CNTNAP3: variants seen among roughly 807,000 people sequenced by gnomAD.
The protein encoded by CNTNAP3 is contactin-associated protein-like 3.
A neutral mutation model predicts 92.1 loss-of-function variants in CNTNAP3; 36 were observed. The ratio of observed to expected loss-of-function variants is 0.39; its 90% confidence interval spans 0.30 to 0.52. CNTNAP3 has a LOEUF of 0.52. CNTNAP3 is among the 20% of genes least tolerant of loss of function. The pLI is 0.76. For synonymous variants in CNTNAP3, 232 were observed against 422.3 expected (o/e 0.55, Z 5.53); for missense variants, 534 against 1,069.6 (o/e 0.50, Z 6.98).
intron 15 of CNTNAP3, among the ~76,000 whole-genome samples, chr9:39,104,229 A>G (rs1157873872): frequency 6.6e-6 from 1 of 152,162 alleles, no homozygotes; most frequent in African/African-American, 2.4e-5. Context: ...GGTACGACCA[A>G]CAGAACTTAC....
intron 18 of CNTNAP3, among the ~76,000 whole-genome samples, chr9:39,091,171 C>A (rs1487144622): frequency 7.8e-6 from 1 of 128,508 alleles, no homozygotes; most frequent in Non-Finnish European, 1.7e-5. Context: ...TTTTCTTCTT[C>A]TTTTTTTTTT....
chr9:39,088,006 T>C (rs1001358933), intron 19 of CNTNAP3, among the ~76,000 whole-genome samples: 8 of 152,208 alleles, frequency 5.3e-5, no homozygotes, highest in Non-Finnish European at 8.8e-5. Flanking sequence ...CTGTTGCTTA[T>C]AGGAATTGGC....
At chr9:39,093,531 C>T (rs962760615) in intron 18 of CNTNAP3, among the ~76,000 whole-genome samples, 1 of 151,080 alleles carries the variant, frequency 6.6e-6, no homozygotes, top group Admixed American at 6.6e-5. Flanking sequence ...CTCTCCATTG[C>T]CCCCTCATCT....
chr9:39,077,849 T>G (rs540848200), intron 23 of CNTNAP3, among the ~76,000 whole-genome samples: 194 of 152,258 alleles, frequency 1.3e-3, no homozygotes, highest in African/African-American at 4.5e-3. Flanking sequence ...AAAAATTGTT[T>G]CGGCAGAATT....
In CNTNAP3 at chr9:39,122,080, C is replaced by T. The variant is rs1312703263; in HGVS notation, c.2081-3821G>A. Reference sequence around the variant, plus strand: ...AGAGTACAGGATGCTTCTGGCCGGGCGCGGTGGCTCACGCCTGTAATCCCA... The same window carrying T: ...AGAGTACAGGATGCTTCTGGCCGGGTGCGGTGGCTCACGCCTGTAATCCCA... On this transcript the variant is annotated intron_variant, in intron 13 of 23. Transcript: ENST00000297668. 3.4e-4 allele frequency among the ~76,000 whole-genome samples: 51 copies of T among 151,944 alleles called. No individual in the cohort carries two copies. The East Asian group carries it at 8.5e-3, about 25-fold the overall frequency.
In CNTNAP3 at chr9:39,288,148, C is replaced by T. The variant is rs1823062784; in HGVS notation, c.-84G>A. ...CCTGCTCTCACTCCCGTCCCCTGCG[C>T]GGCTCTGACGCTGCTCTGCCTCCCC... On this transcript the variant is annotated 5_prime_UTR_variant, in exon 1 of 24. Transcript: ENST00000297668. 1 of 493,036 alleles carries T rather than the reference C, an allele frequency of 2.0e-6. No homozygotes were observed. Among genetic ancestry groups the T allele is most frequent in the Admixed American group, 5.1e-5 (1 of 19,452 alleles). The allele number at this position is 493,036 out of a possible 1,614,324, so 30.5% of individuals were successfully genotyped here.
intron 19 of CNTNAP3, 150 bp downstream of exon 19, chr9:39,088,273 C>T (rs1826109601): frequency 2.7e-6 from 2 of 746,206 alleles, no homozygotes; most frequent in South Asian, 1.6e-5. Flanking sequence ...TATACATAAC[C>T]ATTAAGGCAG....
At chr9:39,084,503 A>G (rs896776872) in intron 21 of CNTNAP3, among the ~76,000 whole-genome samples, 2 of 152,040 alleles carry the variant, frequency 1.3e-5, no homozygotes, top group Non-Finnish European at 2.9e-5. Flanking sequence ...CACTCACCAA[A>G]TATTTTTAAA....
chr9:39,127,932 A>G (rs1264156333), intron 13 of CNTNAP3, among the ~76,000 whole-genome samples: 1 of 152,024 alleles, frequency 6.6e-6, no homozygotes, highest in East Asian at 1.9e-4. Flanking sequence ...TCTGCCTCCC[A>G]AGTTCAAGCG....
chr9:39,113,991 TAC>T (rs748176110), intron 14 of CNTNAP3, among the ~76,000 whole-genome samples: 112 of 147,014 alleles, frequency 7.6e-4, no homozygotes, highest in African/African-American at 2.3e-3. Flanking sequence ...CACATATATA[TAC>T]ACACACACAT....
Position 39,118,030 on chromosome 9 carries a change from G to C in CNTNAP3, c.2237+73C>G, listed in dbSNP as rs143443479. The C allele has an allele frequency of 0.018, 28,090 of 1,586,640 alleles. 476 individuals carry two copies. Among genetic ancestry groups the C allele is most frequent in the East Asian group, 0.099 (4,415 of 44,624 alleles). ...GTTACCTTATTGTACCAGCTTGTCT[G>C]ACATTTAATTAACTATGCATAATTA... On this transcript the variant is annotated intron_variant, in intron 14 of 23. Transcript: ENST00000297668.
rs1381023589 is a variant in CNTNAP3 at position 39,065,562 on chromosome 9, G to A, written c.*8328C>T. Among the ~76,000 whole-genome samples the A allele has an allele frequency of 2.0e-5, 3 of 151,948 alleles. No individual in the cohort carries two copies. The East Asian group carries it at 5.8e-4, about 29-fold the overall frequency. ...AACAATGTTAAACAATTTTTCCTAAGTGGTTGTAGCATTTTACATTCCAAC... is the reference window on the plus strand; with the variant it reads ...AACAATGTTAAACAATTTTTCCTAAATGGTTGTAGCATTTTACATTCCAAC... On this transcript the variant is annotated 3_prime_UTR_variant, in exon 24 of 24. Coordinates refer to ENST00000297668, the MANE Select transcript of CNTNAP3 (RefSeq NM_033655.5).
At chr9:39,146,400 C>A (rs1821700511) in intron 10 of CNTNAP3, among the ~76,000 whole-genome samples, 1 of 152,082 alleles carries the variant, frequency 6.6e-6, no homozygotes, top group Admixed American at 6.6e-5. Flanking sequence ...GAAGTTAAAA[C>A]CTATCCTGGC....
In CNTNAP3 at chr9:39,109,296, C is replaced by T; in HGVS notation, c.2238-9G>A. 1 of 1,611,272 alleles carries T rather than the reference C, an allele frequency of 6.2e-7. No individual in the cohort carries two copies. The highest frequency in any genetic ancestry group is 2.2e-5 in the East Asian group (1 of 44,856). Reference sequence around the variant, plus strand: ...CTATTGTGTCACTAGTCCTAAAGAACAACAACCGAAACCATTAAAATTATT... The same window carrying T: ...CTATTGTGTCACTAGTCCTAAAGAATAACAACCGAAACCATTAAAATTATT... On this transcript the variant is annotated splice_polypyrimidine_tract_variant and intron_variant, in intron 14 of 23. Coordinates refer to ENST00000297668, the MANE Select transcript of CNTNAP3 (RefSeq NM_033655.5).
At chr9:39,107,607 A>G (rs1346961286) in intron 15 of CNTNAP3, among the ~76,000 whole-genome samples, 1 of 152,226 alleles carries the variant, frequency 6.6e-6, no homozygotes, top group Non-Finnish European at 1.5e-5. Context: ...GAGGTAACAG[A>G]TAAATCGGAA....
intron 21 of CNTNAP3, among the ~76,000 whole-genome samples, chr9:39,083,657 C>A (rs1180123940): frequency 1.3e-5 from 2 of 152,188 alleles, no homozygotes; most frequent in African/African-American, 4.8e-5. Flanking sequence ...ATACTCATCT[C>A]AAAAGTGTTT....
chr9:39,091,168 C>CTTT (rs1319060417), intron 18 of CNTNAP3, among the ~76,000 whole-genome samples: 1,082 of 114,482 alleles, frequency 9.5e-3, no homozygotes, highest in African/African-American at 0.033. Flanking sequence ...TGTTTTTCTT[C>CTTT]TTCTTTTTTT....
At chr9:39,085,883 A>C (rs1018733060) in intron 20 of CNTNAP3, 60 bp from the exon 21 acceptor site, 57 of 1,400,402 alleles carry the variant, frequency 4.1e-5, no homozygotes, top group African/African-American at 1.6e-4. Context: ...ATGATAAGGA[A>C]GCAAAGGAAG....
At chr9:39,137,542 T>G (rs968478316) in intron 12 of CNTNAP3, among the ~76,000 whole-genome samples, 3 of 152,202 alleles carry the variant, frequency 2.0e-5, no homozygotes, top group African/African-American at 7.2e-5. Context: ...AGACAAAGTC[T>G]TGCTCTGTCA....
Sources: gnomAD v4.1 joint callset for allele counts (sites outside exome capture counted in the v4.1 genomes callset) on GRCh38, gnomAD v4.1.1 for gene constraint, MANE v1.5 for transcripts, NCBI Gene and HGNC (gene_info 2026-07-23, HGNC 2026-07-21) for gene names.